TMPRSS9: variants seen among roughly 807,000 people sequenced by gnomAD.
TMPRSS9 encodes the protein transmembrane serine protease 9.
A neutral mutation model predicts 111.4 loss-of-function variants in TMPRSS9; 113 were observed. The ratio of observed to expected loss-of-function variants is 1.01; its 90% CI spans 0.87 to 1.19. TMPRSS9 has a LOEUF of 1.19. Among genes scored for constraint, TMPRSS9 ranks in the 50% most tolerant of loss-of-function variants. The pLI, the probability that TMPRSS9 is intolerant of heterozygous loss-of-function variation, is 0.00. For synonymous variants in TMPRSS9, 805 were observed against 659.1 expected, an observed-to-expected ratio of 1.22 and a Z score of -3.39; for missense variants, 1,803 against 1,513.1, an observed-to-expected ratio of 1.19 and a Z score of -3.18.
At chr19:2,406,213 T>C (rs1599300200) in intron 7 of TMPRSS9, among the ~76,000 whole-genome samples, 1 of 150,328 alleles carries the variant, frequency 6.7e-6, no homozygotes, top group African/African-American at 2.5e-5. Context: ...AGAGTCGGGG[T>C]TTCACCATGT....
intron 1 of TMPRSS9, among the ~76,000 whole-genome samples, chr19:2,391,237 CAAAAAAA>C (rs10650164): frequency 3.8e-5 from 2 of 53,018 alleles, no homozygotes; most frequent in South Asian, 7.9e-4. Context: ...AATTCCATCT[CAAAAAAA>C]AAAAAAAAAA....
intron 2 of TMPRSS9, among the ~76,000 whole-genome samples, chr19:2,397,405 C>T (rs1263130991): frequency 6.6e-6 from 1 of 152,036 alleles, no homozygotes; most frequent in African/African-American, 2.4e-5. Flanking sequence ...ATTCTCCTGT[C>T]TCAGCCTCCT....
At chr19:2,382,613 C>T (rs1350706482) in intron 1 of TMPRSS9, among the ~76,000 whole-genome samples, 1 of 149,686 alleles carries the variant, frequency 6.7e-6, no homozygotes, top group African/African-American at 2.5e-5. Flanking sequence ...CAGACACATG[C>T]ACACACAAAT....
exon 18 of TMPRSS9, chr19:2,426,125 A>G (rs1329763387): frequency 1.3e-6 from 2 of 1,514,232 alleles, no homozygotes; most frequent in South Asian, 2.4e-5. Context: ...CTCTACGTGA[A>G]AGCAACAGGA....
chr19:2,402,398 C>T (rs561655743), intron 5 of TMPRSS9, among the ~76,000 whole-genome samples: 21 of 151,864 alleles, frequency 1.4e-4, no homozygotes, highest in Admixed American at 2.0e-4. Context: ...GCTGAGATCA[C>T]GCCACTGCAC....
At chr19:2,399,274 AC>A in intron 4 of TMPRSS9, 81 bp downstream of exon 5, 1 of 1,464,732 alleles carries the variant, frequency 6.8e-7, no homozygotes, top group Non-Finnish European at 9.0e-7. Flanking sequence ...TTTGATAACC[AC>A]CCCTTCCCAT....
At chr19:2,377,844 CTG>C (rs1270348632) in intron 1 of TMPRSS9, among the ~76,000 whole-genome samples, 1 of 146,458 alleles carries the variant, frequency 6.8e-6, no homozygotes, top group African/African-American at 2.5e-5. Context: ...TCCTGAGTGG[CTG>C]GGACTACAGA....
At chr19:2,407,794 A>ATG (rs1329792704) in intron 7 of TMPRSS9, among the ~76,000 whole-genome samples, 1 of 127,472 alleles carries the variant, frequency 7.8e-6, no homozygotes, top group Non-Finnish European at 1.7e-5. Context: ...ATATATATAT[A>ATG]TTTTTTCTGA....
intron 1 of TMPRSS9, among the ~76,000 whole-genome samples, chr19:2,376,187 G>T (rs1204116003): frequency 1.3e-5 from 2 of 152,068 alleles, no homozygotes; most frequent in Admixed American, 6.6e-5. Context: ...TCCCTTGCTC[G>T]GGGCCCCTTC....
In TMPRSS9 at chr19:2,425,452, C is replaced by G. The variant is rs369996631; in HGVS notation, c.3079C>G (p.Leu1027Val). The G allele has an allele frequency of 6.9e-6, 11 of 1,592,270 alleles. No individual in the cohort carries two copies. In the East Asian group the frequency reaches 2.3e-4, roughly 33 times the overall value. ...CCCAGTGCAGATCAGCAGCCGCATGCTGTGTGCCGGCTTCCCGCAGGGTGG... is the reference window on the plus strand; with the variant it reads ...CCCAGTGCAGATCAGCAGCCGCATGGTGTGTGCCGGCTTCCCGCAGGGTGG... The change falls in exon 17 of 18, where the codon CTG (leucine) becomes GTG (valine). Residue 1027 changes from leucine (L) to valine (V), a missense_variant. Leu to Val is a conservative substitution (Grantham distance 32). Transcript: ENST00000648592.
chr19:2,377,852 A>G (rs1970352445), intron 1 of TMPRSS9, among the ~76,000 whole-genome samples: 1 of 146,258 alleles, frequency 6.8e-6, no homozygotes, highest in Non-Finnish European at 1.5e-5. Flanking sequence ...GGCTGGGACT[A>G]CAGATATGTG....
At chr19:2,425,054 G>A (rs1375198946) in exon 16 of TMPRSS9, 2 of 1,563,740 alleles carry the variant, frequency 1.3e-6, no homozygotes, top group Non-Finnish European at 1.7e-6. Context: ...GTTCCTGAGC[G>A]GCGCGGAGGG....
At chr19:2,422,208 C>G (rs549589070) in exon 14 of TMPRSS9, 1 of 1,526,864 alleles carries the variant, frequency 6.5e-7, no homozygotes, top group South Asian at 1.3e-5. Flanking sequence ...GACGCCATTT[C>G]CAGACGCCCC....
At chr19:2,379,177 T>TTC (rs1204860270) in intron 1 of TMPRSS9, among the ~76,000 whole-genome samples, 6 of 125,164 alleles carry the variant, frequency 4.8e-5, no homozygotes, top group African/African-American at 1.5e-4. Context: ...CTGAGCTTCT[T>TTC]TCTCTTTTTT....
intron 16 of TMPRSS9, 37 bp downstream of exon 17, chr19:2,425,304 G>C: frequency 9.0e-6 from 11 of 1,228,104 alleles, no homozygotes; most frequent in Non-Finnish European, 1.0e-5. Context: ...GCGGGGCTCG[G>C]GGGGCGGCCG....
exon 6 of TMPRSS9, chr19:2,403,179 C>T (rs371110843): frequency 3.7e-5 from 60 of 1,608,920 alleles, no homozygotes; most frequent in East Asian, 4.5e-5. Context: ...CCGATGGGTC[C>T]GACGAGGCGC....
Position 2,398,779 on chromosome 19 carries a change from C to T in TMPRSS9, c.271-16C>T, listed in dbSNP as rs891058631. ...GCTGTGGGTCTCAACATTTGATATT[C>T]TTGTTTCTATTGCAGTTTGTAAGTA... On this transcript the variant is annotated splice_polypyrimidine_tract_variant and intron_variant, in intron 2 of 17. Transcript: ENST00000648592. 3 of 1,421,256 alleles carry T rather than the reference C, an allele frequency of 2.1e-6. No homozygotes were observed. The highest frequency in any genetic ancestry group is 2.1e-5 in the Admixed American group (1 of 47,370). 88.0% of individuals were successfully genotyped at this position (1,421,256 alleles called of 1,614,324 possible). A position where few individuals can be genotyped will look rare whatever the true frequency, so the allele number is the denominator to read the frequency against.
intron 1 of TMPRSS9, among the ~76,000 whole-genome samples, chr19:2,376,577 A>C (rs1475755530): frequency 6.6e-6 from 1 of 151,972 alleles, no homozygotes; most frequent in Non-Finnish European, 1.5e-5. Context: ...CTTCTGCCTC[A>C]GCCTCTCGAG....
intron 1 of TMPRSS9, among the ~76,000 whole-genome samples, chr19:2,366,989 G>A (rs1970252617): frequency 6.6e-6 from 1 of 152,046 alleles, no homozygotes; most frequent in Non-Finnish European, 1.5e-5. Flanking sequence ...TCACCACATG[G>A]GAATCACCAT....
Sources: allele counts gnomAD v4.1 joint callset (sites outside exome capture counted in the v4.1 genomes callset), GRCh38; gene constraint gnomAD v4.1.1; transcripts MANE v1.5; gene names NCBI Gene and HGNC (gene_info 2026-07-23, HGNC 2026-07-21).